The following ERBB4 variants were observed in gnomAD, a reference collection of about 807,000 sequenced individuals.
The protein encoded by ERBB4 is receptor tyrosine-protein kinase erbB-4.
ERBB4 carries 42 observed loss-of-function variants against 158.0 expected under a neutral mutation model. The ratio of observed to expected loss-of-function variants is 0.27; its 90% CI spans 0.21 to 0.34. ERBB4 has a LOEUF of 0.34. Ranked by LOEUF, ERBB4 falls within the 10% of genes least tolerant of loss-of-function variation. The pLI is 1.00. For synonymous variants in ERBB4, 583 were observed against 558.7 expected (o/e 1.04, Z -0.61); for missense variants, 1,333 against 1,624.1 (o/e 0.82, Z 3.08).
chr2:212,401,684 T>C (rs1369109222), intron 1 of ERBB4, among the ~76,000 whole-genome samples: 2 of 152,140 alleles, frequency 1.3e-5, no homozygotes, highest in African/African-American at 4.8e-5. Flanking sequence ...GATGATAAAA[T>C]TATAATCTTA....
In ERBB4 at chr2:211,382,841, T is replaced by C. The variant is rs912484072; in HGVS notation, c.*774A>G. 8.6e-6 allele frequency: 2 copies of C among 232,660 alleles called. No homozygotes were observed. The highest frequency in any genetic ancestry group is 4.4e-5 in the African/African-American group (2 of 45,330). The allele number at this position is 232,660 out of a possible 1,614,324, so 14.4% of individuals were successfully genotyped here. On this transcript the variant is annotated 3_prime_UTR_variant, in exon 28 of 28. Coordinates refer to ENST00000342788, the MANE Select transcript of ERBB4 (RefSeq NM_005235.3). ...ATACTTAAAGTAGTGGCCATTTCAC[T>C]ATATTAAAATATTTCTTGCTTAAAT...
intron 3 of ERBB4, among the ~76,000 whole-genome samples, chr2:211,934,541 T>C (rs1394974979): frequency 6.6e-6 from 1 of 152,062 alleles, no homozygotes; most frequent in Non-Finnish European, 1.5e-5. Context: ...CTGCCATTTT[T>C]CTCATATTGA....
chr2:211,688,892 T>C (rs1053112083), intron 12 of ERBB4, among the ~76,000 whole-genome samples: 5 of 151,756 alleles, frequency 3.3e-5, no homozygotes. Flanking sequence ...TATGCTTAAA[T>C]ATATTATAAA....
chr2:212,146,899 G>C (rs1254182427), intron 1 of ERBB4, among the ~76,000 whole-genome samples: 1 of 151,792 alleles, frequency 6.6e-6, no homozygotes, highest in Non-Finnish European at 1.5e-5. Context: ...GGTTAAAATA[G>C]GGTAAAACTG....
chr2:211,468,165 A>G lies in ERBB4; in HGVS notation c.2488-37065T>C, dbSNP rs199738391. ...CCATTTTGGAGATACTAAAGAGAAA[A>G]AAGGAAGAGTCAGAAAAGAAAATAA... On this transcript the variant is annotated intron_variant, in intron 20 of 27. Coordinates refer to ENST00000342788, the MANE Select transcript of ERBB4 (RefSeq NM_005235.3). Among the ~76,000 whole-genome samples the G allele has an allele frequency of 2.7e-4, 41 of 152,322 alleles. No homozygotes were observed. In the East Asian group the frequency reaches 6.2e-3, roughly 23 times the overall value.
intron 12 of ERBB4, 127 bp from the exon 13 acceptor site, chr2:211,679,311 C>T (rs1167714650): frequency 4.9e-6 from 5 of 1,013,196 alleles, no homozygotes; most frequent in Non-Finnish European, 6.0e-6. Context: ...CTTTGGTGGC[C>T]TATCCCATCG....
chr2:212,165,625 T>A (rs1220786254), intron 1 of ERBB4, among the ~76,000 whole-genome samples: 3 of 152,020 alleles, frequency 2.0e-5, no homozygotes, highest in Non-Finnish European at 2.9e-5. Flanking sequence ...ATCCTTAAAA[T>A]TTATTTCATC....
At chr2:212,051,787 C>T (rs555678845) in intron 2 of ERBB4, among the ~76,000 whole-genome samples, 57 of 152,132 alleles carry the variant, frequency 3.7e-4, no homozygotes, top group East Asian at 3.9e-4. Flanking sequence ...TTATAATAGT[C>T]TAAATTTTAT....
At chr2:212,377,905 C>CA (rs1425494786) in intron 1 of ERBB4, among the ~76,000 whole-genome samples, 2 of 151,810 alleles carry the variant, frequency 1.3e-5, no homozygotes, top group African/African-American at 4.8e-5. Flanking sequence ...TACAGCTGTA[C>CA]AAAAATATTT....
chr2:212,360,225 T>C (rs534824378), intron 1 of ERBB4, among the ~76,000 whole-genome samples: 4 of 151,798 alleles, frequency 2.6e-5, no homozygotes, highest in South Asian at 4.2e-4. Flanking sequence ...CAGAGAATCT[T>C]AGAGGTTTCC....
intron 14 of ERBB4, among the ~76,000 whole-genome samples, chr2:211,670,048 A>G: frequency 6.6e-6 from 1 of 152,244 alleles, no homozygotes. Flanking sequence ...TCATAAGATC[A>G]GGAATGGGAT....
intron 1 of ERBB4, among the ~76,000 whole-genome samples, chr2:212,392,479 A>G (rs2090906681): frequency 6.6e-6 from 1 of 152,056 alleles, no homozygotes; most frequent in African/African-American, 2.4e-5. Context: ...TTCAATAAAC[A>G]TTATTAAAAT....
rs138890908 is a variant in ERBB4, at chr2:211,544,130, C to T, written c.2487+17773G>A. 3.7e-3 allele frequency among the ~76,000 whole-genome samples: 565 copies of T among 152,054 alleles called. 6 individuals are homozygous for T. The highest frequency in any genetic ancestry group is 0.013 in the African/African-American group (525 of 41,528). On this transcript the variant is annotated intron_variant, in intron 20 of 27. Coordinates refer to ENST00000342788, the MANE Select transcript of ERBB4 (RefSeq NM_005235.3). ...GTAATGGAATAAATTATCACCCCACCTAGTCGTGTTTTAATAGAAACTTTT... is the reference window on the plus strand; with the variant it reads ...GTAATGGAATAAATTATCACCCCACTTAGTCGTGTTTTAATAGAAACTTTT...
chr2:211,435,087 T>C (rs148074457), intron 20 of ERBB4, among the ~76,000 whole-genome samples: 2 of 152,266 alleles, frequency 1.3e-5, no homozygotes, highest in African/African-American at 2.4e-5. Flanking sequence ...CTCTTCAAAT[T>C]AGAGTGTCAT....
chr2:211,702,275 G>C, intron 11 of ERBB4, 109 bp from the exon 12 acceptor site: 1 of 834,616 alleles, frequency 1.2e-6, no homozygotes, highest in Non-Finnish European at 2.1e-6. Flanking sequence ...AATGGAAACT[G>C]AATCAATAAA....
chr2:212,176,436 G>C (rs1032293566), intron 1 of ERBB4, among the ~76,000 whole-genome samples: 1 of 151,986 alleles, frequency 6.6e-6, no homozygotes, highest in Non-Finnish European at 1.5e-5. Flanking sequence ...CACGCAGCAA[G>C]AAGCTAGCTA....
At chr2:212,047,181 A>G (rs1375280853) in intron 2 of ERBB4, among the ~76,000 whole-genome samples, 1 of 152,088 alleles carries the variant, frequency 6.6e-6, no homozygotes, top group Non-Finnish European at 1.5e-5. Flanking sequence ...TACCTCTAAC[A>G]CTCTTTATCC....
intron 3 of ERBB4, among the ~76,000 whole-genome samples, chr2:211,828,754 C>G (rs2077157203): frequency 6.6e-6 from 1 of 152,070 alleles, no homozygotes. Flanking sequence ...TTCCCACGGT[C>G]TACATCTAGA....
intron 20 of ERBB4, among the ~76,000 whole-genome samples, chr2:211,502,713 C>T (rs1032396863): frequency 1.3e-5 from 2 of 152,092 alleles, no homozygotes; most frequent in Admixed American, 1.3e-4. Flanking sequence ...TTGATTACAG[C>T]CATCTTTGAT....
Sources: gnomAD v4.1 joint callset for allele counts (sites outside exome capture counted in the v4.1 genomes callset) on GRCh38, gnomAD v4.1.1 for gene constraint, MANE v1.5 for transcripts, NCBI Gene and HGNC (gene_info 2026-07-23, HGNC 2026-07-21) for gene names.